PCED1A: variants seen among roughly 807,000 people sequenced by gnomAD.
PCED1A encodes PC-esterase domain containing 1A.
PCED1A carries 20 observed loss-of-function variants against 41.9 expected under a neutral mutation model. That is an observed-to-expected ratio of 0.48 (90% CI 0.34 to 0.69). The LOEUF (loss-of-function observed/expected upper bound fraction) is 0.69, where lower values mean the gene tolerates loss of function less well. PCED1A is among the 30% of genes least tolerant of loss of function. PCED1A has a pLI of 0.01. For missense variants in PCED1A, 498 were observed against 602.1 expected, an observed-to-expected ratio of 0.83 and a Z score of 1.81; for synonymous variants, 236 against 241.3, an observed-to-expected ratio of 0.98 and a Z score of 0.20.
In PCED1A at chr20:2,838,933, G is replaced by A. The variant is rs763180365; in HGVS notation, c.354C>T (p.Ser118=). ...VRFYFLTRVY[S]EYLEDVLEEL... is the part of the protein sequence containing the mutation. Reference sequence around the variant, plus strand: ...CTTCCAGAACATCCTCAAGGTACTCGGAGTAAACACGAGTGAGGAAGTAGA... The same window carrying A: ...CTTCCAGAACATCCTCAAGGTACTCAGAGTAAACACGAGTGAGGAAGTAGA... The change falls in exon 4 of 8, where the codon TCC becomes TCT. Residue 118 remains serine (S), a synonymous_variant. Coordinates refer to ENST00000360652, the MANE Select transcript of PCED1A (RefSeq NM_022760.6). This position sits in a 1 kb window ranked among gnomAD's most constrained non-coding sequence, Gnocchi z 5.8. 9 of 1,614,056 alleles carry A rather than the reference G, an allele frequency of 5.6e-6. No homozygotes were observed. In the Admixed American group the frequency reaches 6.7e-5, roughly 12 times the overall value.
In PCED1A at chr20:2,840,643, T is replaced by C. The variant is rs1599959953; in HGVS notation, c.-454A>G. ...TCTCGGGGCGGCAGCCAAGTGAGGC[T>C]GCCCACAGTGGTGATGGCCGCGGCG... is the stretch of plus-strand genomic sequence containing the variant. On this transcript the variant is annotated 5_prime_UTR_variant, in exon 1 of 8. Transcript: ENST00000360652. 1.0e-6 allele frequency: 1 copy of C among 1,002,066 alleles called. No individual in the cohort carries two copies. The allele number at this position is 1,002,066 out of a possible 1,614,324, so 62.1% of individuals were successfully genotyped here. A position where few individuals can be genotyped will look rare whatever the true frequency, so the allele number is the denominator to read the frequency against.
At chr20:2,837,398 G>A (rs546909920) in intron 6 of PCED1A, among the ~76,000 whole-genome samples, 1 of 152,248 alleles carries the variant, frequency 6.6e-6, no homozygotes, top group African/African-American at 2.4e-5. Flanking sequence ...TGTTGATACT[G>A]TGTACAGGGA....
chr20:2,836,391 C>T (rs2088836431), intron 6 of PCED1A, 77 bp from the exon 7 acceptor site: 1 of 1,272,528 alleles, frequency 7.9e-7, no homozygotes, highest in South Asian at 1.2e-5. Flanking sequence ...ACTTCTAAAG[C>T]TCTATTCCTT....
chr20:2,839,923 G>A lies in PCED1A; in HGVS notation c.-11C>T. The A allele has an allele frequency of 6.2e-7, 1 of 1,609,628 alleles. No homozygotes were observed. Among genetic ancestry groups the A allele is most frequent in the Non-Finnish European group, 8.5e-7 (1 of 1,178,766 alleles). ...CAGACAGAAGACCATGCCGCCACCA[G>A]CAACGACAGGCTGCAGGGAGAGGCC... On this transcript the variant is annotated 5_prime_UTR_variant, in exon 2 of 8. Coordinates refer to ENST00000360652, the MANE Select transcript of PCED1A (RefSeq NM_022760.6).
intron 7 of PCED1A, 118 bp downstream of exon 7, chr20:2,835,921 G>A (rs2088820664): frequency 1.4e-6 from 2 of 1,445,282 alleles, no homozygotes; most frequent in East Asian, 2.5e-5. Context: ...AGGGACTGCT[G>A]TGACCAAACC....
intron 1 of PCED1A, 28 bp from the exon 2 acceptor site, chr20:2,839,961 G>A: frequency 1.9e-6 from 3 of 1,579,290 alleles, no homozygotes; most frequent in Middle Eastern, 3.4e-4. Context: ...TAAGCAGCGC[G>A]ATGGTGGGGA....
upstream of PCED1A, chr20:2,840,869 G>A: frequency 7.0e-7 from 1 of 1,436,678 alleles, no homozygotes. Flanking sequence ...GGCTTACCCT[G>A]CTCGCCCGCC....
Position 2,838,209 on chromosome 20 carries a change from C to T in PCED1A, c.841+23G>A, listed in dbSNP as rs778914048. 3 of 1,613,430 alleles carry T rather than the reference C, an allele frequency of 1.9e-6. No homozygotes were observed. The highest frequency in any genetic ancestry group is 1.7e-5 in the Admixed American group (1 of 59,996). ...CTGAGGGCCCCAGTGCATCACTACC[C>T]CCCCACTTATGGTAGGGCTCACCAG... On this transcript the variant is annotated intron_variant, in intron 6 of 7. Transcript: ENST00000360652. The surrounding 1 kb of genome is among the most constrained non-coding windows in gnomAD (Gnocchi z 5.8).
upstream of PCED1A, chr20:2,841,030 C>A: frequency 1.7e-6 from 1 of 588,608 alleles, no homozygotes. Context: ...GAAACTGAGG[C>A]AAGCACAGTG....
intron 6 of PCED1A, among the ~76,000 whole-genome samples, chr20:2,837,436 G>C: frequency 6.6e-6 from 1 of 152,186 alleles, no homozygotes; most frequent in East Asian, 1.9e-4. Flanking sequence ...GGGCTGAAAG[G>C]GGTGAGTCGT....
chr20:2,839,940 G>C lies in PCED1A; in HGVS notation c.-21-7C>G. 6.2e-7 allele frequency: 1 copy of C among 1,605,358 alleles called. No individual in the cohort carries two copies. Among genetic ancestry groups the C allele is most frequent in the Non-Finnish European group, 8.5e-7 (1 of 1,177,466 alleles). Reference sequence around the variant, plus strand: ...CGCCACCAGCAACGACAGGCTGCAGGGAGAGGCCACTAAGCAGCGCGATGG... The same window carrying C: ...CGCCACCAGCAACGACAGGCTGCAGCGAGAGGCCACTAAGCAGCGCGATGG... On this transcript the variant is annotated splice_polypyrimidine_tract_variant and splice_region_variant and intron_variant, in intron 1 of 7. Transcript: ENST00000360652.
rs747029732 is a variant in PCED1A at position 2,836,041 on chromosome 20, A to G, written c.1115T>C (p.Leu372Ser). The G allele has an allele frequency of 6.7e-7, 1 of 1,482,138 alleles. No homozygotes were observed. The highest frequency in any genetic ancestry group is 2.5e-5 in the East Asian group (1 of 40,410). The allele number at this position is 1,482,138 out of a possible 1,614,324, so 91.8% of individuals were successfully genotyped here. A position where few individuals can be genotyped will look rare whatever the true frequency, so the allele number is the denominator to read the frequency against. ...GGGGGAGCTGCAGAAGCACCTACCT[A>G]AGTGGGGTGGCATCGAGAAGTCCTC... ...PVEDFSMPPHLGCGPGVNFVP... is the reference protein window; with the variant it reads ...PVEDFSMPPHSGCGPGVNFVP... The change falls in exon 7 of 8, where the codon TTA becomes TCA. Residue 372 changes from leucine to serine, a missense_variant and splice_region_variant. By Grantham distance (145) the Leu-to-Ser change is moderately radical. Transcript: ENST00000360652.
rs751697405 is a variant in PCED1A, at chr20:2,839,257, A to G, written c.139T>C (p.Tyr47His). ...ILGDSIQRAV[Y>H]KDLVLLLQKD... The stretch of plus-strand genomic sequence containing the variant: ...TGGAGCAAGAGCACCAGGTCCTTGT[A>G]CACAGCCCTCTGAACTGGGAGGAGA... Residue 47 changes from tyrosine (Y) to histidine (H), a missense_variant, in exon 3 of 8, where the codon TAC becomes CAC. This residue lies in a region of PCED1A where 253 missense variants were observed against 369.7 expected (regional missense o/e 0.68). Coordinates refer to ENST00000360652, the MANE Select transcript of PCED1A (RefSeq NM_022760.6). 6.2e-7 allele frequency: 1 copy of G among 1,613,938 alleles called. No individual in the cohort carries two copies. The highest frequency in any genetic ancestry group is 8.5e-7 in the Non-Finnish European group (1 of 1,180,024).
rs891894142 is a variant in PCED1A at position 2,840,642 on chromosome 20, C to G, written c.-453G>C. 5.0e-6 allele frequency: 5 copies of G among 993,344 alleles called. No individual in the cohort carries two copies. The South Asian group carries it at 5.7e-5, about 11-fold the overall frequency. The allele number at this position is 993,344 out of a possible 1,614,324, so 61.5% of individuals were successfully genotyped here. A position where few individuals can be genotyped will look rare whatever the true frequency, so the allele number is the denominator to read the frequency against. ...GTCTCGGGGCGGCAGCCAAGTGAGG[C>G]TGCCCACAGTGGTGATGGCCGCGGC... On this transcript the variant is annotated 5_prime_UTR_variant, in exon 1 of 8. Transcript: ENST00000360652.
rs1269013212 is a variant in PCED1A at position 2,836,078 on chromosome 20, A to G, written c.1078T>C (p.Tyr360His). 1 of 1,432,884 alleles carries G rather than the reference A, an allele frequency of 7.0e-7. No homozygotes were observed. Among genetic ancestry groups the G allele is most frequent in the South Asian group, 1.3e-5 (1 of 74,992 alleles). 88.8% of individuals were successfully genotyped at this position (1,432,884 alleles called of 1,614,324 possible). A position where few individuals can be genotyped will look rare whatever the true frequency, so the allele number is the denominator to read the frequency against. The change falls in exon 7 of 8, where the codon TAT becomes CAT. Residue 360 changes from tyrosine to histidine, a missense_variant. Physicochemically the swap from Tyr to His is moderately conservative, Grantham distance 83 (BLOSUM62 2). Around this residue, in one of 2 missense-constraint regions of PCED1A, gnomAD observed 245 missense variants for 232.4 expected, o/e 1.05. Transcript: ENST00000360652. ...ATCGAGAAGTCCTCCACTGGATTAT[A>G]GTTGAAGAATTCATGGGGTGGGAAG... ...QPFPPHEFFNYNPVEDFSMPP... is the reference protein window; with the variant it reads ...QPFPPHEFFNHNPVEDFSMPP...
In PCED1A at chr20:2,838,281, A is replaced by G; in HGVS notation, c.792T>C (p.His264=). The G allele has an allele frequency of 6.2e-6, 10 of 1,614,242 alleles. No homozygotes were observed. The highest frequency in any genetic ancestry group is 8.5e-6 in the Non-Finnish European group (10 of 1,180,042). Residue 264 remains histidine, a synonymous_variant, in exon 6 of 8, where the codon CAT becomes CAC. Transcript: ENST00000360652. The surrounding 1 kb of genome is among the most constrained non-coding windows in gnomAD (Gnocchi z 5.8). ...HRHLSHLLLT[H]VADAWGVELP... ...GCTCCACGCCCCAGGCGTCAGCCACATGGGTCAGAAGCAGGTGTGAGAGGT... is the reference window on the plus strand; with the variant it reads ...GCTCCACGCCCCAGGCGTCAGCCACGTGGGTCAGAAGCAGGTGTGAGAGGT...
chr20:2,839,275 G>C lies in PCED1A; in HGVS notation c.125-4C>G. The C allele has an allele frequency of 1.2e-6, 2 of 1,613,542 alleles. No individual in the cohort carries two copies. Among genetic ancestry groups the C allele is most frequent in the Non-Finnish European group, 1.7e-6 (2 of 1,179,926 alleles). ...TCCTTGTACACAGCCCTCTGAACTG[G>C]GAGGAGACAGAGATCCCAAGGCTGA... On this transcript the variant is annotated splice_polypyrimidine_tract_variant and splice_region_variant and intron_variant, in intron 2 of 7. Transcript: ENST00000360652.
Position 2,835,561 on chromosome 20 carries a change from C to T in PCED1A, c.1266G>A (p.Gly422=). The part of the protein sequence containing the change: ...PNSPYHVRRM[G]GPCRQRLRHS... ...GTCTGAGCCGCTGCCTGCAGGGCCC[C>T]CCCATTCTCCGCACATGGTAGGGGC... The change falls in exon 8 of 8, where the codon GGG becomes GGA. Residue 422 remains glycine (G), a synonymous_variant. Transcript: ENST00000360652. The T allele has an allele frequency of 6.2e-7, 1 of 1,614,174 alleles. No individual in the cohort carries two copies.
Position 2,835,486 on chromosome 20 carries a change from G to A in PCED1A, c.1341C>T (p.Ala447=). The A allele has an allele frequency of 6.2e-7, 1 of 1,612,394 alleles. No homozygotes were observed. Among genetic ancestry groups the A allele is most frequent in the East Asian group, 2.2e-5 (1 of 44,822 alleles). ...TCTACCCAGGCCATGTCCCCGAATG[G>A]GCAGGAGGCCGTCTGTCCAGTTTGT... ...HTYKLDRRPP[A]HSGTWPG is the part of the protein sequence containing the mutation. The change falls in exon 8 of 8, where the codon GCC becomes GCT. Residue 447 remains alanine (A), a synonymous_variant. Coordinates refer to ENST00000360652, the MANE Select transcript of PCED1A (RefSeq NM_022760.6).
Sources: allele counts gnomAD v4.1 joint callset (sites outside exome capture counted in the v4.1 genomes callset), GRCh38; gene constraint gnomAD v4.1.1; regional missense constraint gnomAD v4.1.1; non-coding constraint Gnocchi (gnomAD v3.1); transcripts MANE v1.5; gene names NCBI Gene and HGNC (gene_info 2026-07-23, HGNC 2026-07-21).